Variants in NELL1 observed in about 807,000 individuals in gnomAD.
NELL1 encodes the protein neural EGFL like 1, also known as protein kinase C-binding protein NELL1.
A neutral mutation model predicts 107.4 loss-of-function variants in NELL1; 76 were observed. The observed-to-expected ratio is 0.71, with a 90% CI of 0.59 to 0.86. The LOEUF is 0.86. Among genes scored for constraint, NELL1 ranks in the 40% least tolerant of loss-of-function variants. The pLI is 0.00. For synonymous variants in NELL1, 353 were observed against 341.2 expected, an observed-to-expected ratio of 1.03 and a Z score of -0.38; for missense variants, 1,024 against 1,005.5, an observed-to-expected ratio of 1.02 and a Z score of -0.25.
intron 12 of NELL1, among the ~76,000 whole-genome samples, chr11:21,109,701 C>CT (rs1855059855): frequency 6.6e-6 from 1 of 152,038 alleles, no homozygotes; most frequent in South Asian, 2.1e-4. Flanking sequence ...CCTTCAGAGC[C>CT]TTTTTTCTGT....
At chr11:21,276,884 T>C (rs528685416) in intron 14 of NELL1, among the ~76,000 whole-genome samples, 2 of 152,192 alleles carry the variant, frequency 1.3e-5, no homozygotes, top group African/African-American at 2.4e-5. Flanking sequence ...TTACATCTTA[T>C]ACAAAAATTA....
At chr11:21,092,464 C>G (rs888931451) in intron 12 of NELL1, among the ~76,000 whole-genome samples, 1 of 151,996 alleles carries the variant, frequency 6.6e-6, no homozygotes, top group Non-Finnish European at 1.5e-5. Context: ...TGAGTTAATA[C>G]ATGTAAAGGG....
chr11:20,674,675 A>G (rs1854006418), intron 1 of NELL1: 2 of 704,862 alleles, frequency 2.8e-6, no homozygotes, highest in Admixed American at 4.7e-5. Context: ...GACTGGACTG[A>G]AACTGGATCT....
At chr11:20,999,149 A>G (rs1054589627) in intron 12 of NELL1, among the ~76,000 whole-genome samples, 2 of 152,202 alleles carry the variant, frequency 1.3e-5, no homozygotes, top group African/African-American at 2.4e-5. Flanking sequence ...GCTGGGGTTA[A>G]GGTTCCAAGC....
rs188500877 is a variant in NELL1, at chr11:21,026,978, C to A, written c.1300+66418C>A. ...TTTTAGGCTTCTTGGGCTTTTCCTTCCTGTGGGCTATGACATGGCATTTCC... is the reference window on the plus strand; with the variant it reads ...TTTTAGGCTTCTTGGGCTTTTCCTTACTGTGGGCTATGACATGGCATTTCC... On this transcript the variant is annotated intron_variant, in intron 12 of 19. Coordinates refer to ENST00000357134, the MANE Select transcript of NELL1 (RefSeq NM_006157.5). 7.2e-5 allele frequency among the ~76,000 whole-genome samples: 11 copies of A among 152,156 alleles called. No homozygotes were observed. In the East Asian group the frequency reaches 2.1e-3, roughly 30 times the overall value.
intron 16 of NELL1, among the ~76,000 whole-genome samples, chr11:21,554,665 T>C (rs137952176): frequency 3.3e-4 from 50 of 152,006 alleles, no homozygotes; most frequent in African/African-American, 7.9e-4. Context: ...GAGCAATTAT[T>C]ACATGACAAG....
intron 15 of NELL1, among the ~76,000 whole-genome samples, chr11:21,491,958 C>T (rs927310752): frequency 1.3e-5 from 2 of 151,928 alleles, no homozygotes; most frequent in African/African-American, 4.8e-5. Flanking sequence ...CTCTTTGAAG[C>T]AACTGTGAAT....
At chr11:21,569,862 A>G (rs556480584) in intron 17 of NELL1, among the ~76,000 whole-genome samples, 12 of 151,806 alleles carry the variant, frequency 7.9e-5, no homozygotes, top group Non-Finnish European at 1.6e-4. Flanking sequence ...TATGTTCTTT[A>G]AGGTAACTTG....
intron 15 of NELL1, among the ~76,000 whole-genome samples, chr11:21,375,622 T>C (rs955693996): frequency 6.6e-6 from 1 of 152,118 alleles, no homozygotes; most frequent in Non-Finnish European, 1.5e-5. Flanking sequence ...TTGAGATATC[T>C]CCAAACTGCT....
chr11:20,731,292 CCTG>C (rs1219420376), intron 2 of NELL1, among the ~76,000 whole-genome samples: 2 of 152,180 alleles, frequency 1.3e-5, no homozygotes, highest in African/African-American at 2.4e-5. Context: ...TTGGAAATTA[CCTG>C]CTGAGGTTCT....
intron 12 of NELL1, among the ~76,000 whole-genome samples, chr11:21,080,087 C>A (rs1854230217): frequency 6.6e-6 from 1 of 151,928 alleles, no homozygotes; most frequent in Non-Finnish European, 1.5e-5. Flanking sequence ...TTGAAATGTC[C>A]TAGACACTGT....
intron 3 of NELL1, among the ~76,000 whole-genome samples, chr11:20,839,628 G>A (rs1848588152): frequency 6.6e-6 from 1 of 152,144 alleles, no homozygotes; most frequent in Non-Finnish European, 1.5e-5. Context: ...TGAAGTAGAT[G>A]TTTATTTTCA....
chr11:21,548,368 C>A (rs183654954), intron 16 of NELL1, among the ~76,000 whole-genome samples: 3 of 151,674 alleles, frequency 2.0e-5, no homozygotes, highest in African/African-American at 7.2e-5. Context: ...AAAGACATAC[C>A]CAAGACTGGG....
intron 12 of NELL1, among the ~76,000 whole-genome samples, chr11:21,024,615 C>A (rs941315705): frequency 1.3e-5 from 2 of 152,074 alleles, no homozygotes; most frequent in Admixed American, 6.6e-5. Context: ...TGACATTTAG[C>A]TTTTATTTGT....
chr11:21,526,586 T>A (rs1767364438), intron 15 of NELL1, among the ~76,000 whole-genome samples: 1 of 152,206 alleles, frequency 6.6e-6, no homozygotes, highest in African/African-American at 2.4e-5. Flanking sequence ...CTGTAGCAAA[T>A]TTCTACCTGG....
chr11:20,847,529 T>C (rs1848721380), intron 3 of NELL1, 54 bp from the exon 4 acceptor site: 4 of 1,555,844 alleles, frequency 2.6e-6, no homozygotes, highest in East Asian at 4.6e-5. Context: ...GGATTGATGA[T>C]GGCTGTGATA....
intron 12 of NELL1, among the ~76,000 whole-genome samples, chr11:20,977,552 C>T (rs1166532693): frequency 1.3e-5 from 2 of 152,224 alleles, no homozygotes; most frequent in African/African-American, 2.4e-5. Context: ...GCGTGAGCCA[C>T]TGCACCCGGC....
At chr11:21,568,106 A>G (rs570661224) in intron 17 of NELL1, among the ~76,000 whole-genome samples, 24 of 151,976 alleles carry the variant, frequency 1.6e-4, no homozygotes, top group African/African-American at 5.8e-4. Flanking sequence ...AAACAAACCT[A>G]GATGGAATAG....
intron 3 of NELL1, among the ~76,000 whole-genome samples, chr11:20,842,626 C>T (rs1019913252): frequency 6.6e-5 from 10 of 152,128 alleles, no homozygotes; most frequent in Admixed American, 3.3e-4. Flanking sequence ...TGTTTAAATC[C>T]TGAATCTGTT....
Sources: gnomAD v4.1 joint callset for allele counts (sites outside exome capture counted in the v4.1 genomes callset) on GRCh38, gnomAD v4.1.1 for gene constraint, MANE v1.5 for transcripts, NCBI Gene and HGNC (gene_info 2026-07-23, HGNC 2026-07-21) for gene names.